PI4KA: variants seen among roughly 807,000 people sequenced by gnomAD.
PI4KA encodes the protein PI4-kinase alpha.
A neutral mutation model predicts 271.4 loss-of-function variants in PI4KA; 122 were observed. The observed-to-expected ratio is 0.45, with a 90% CI of 0.39 to 0.52. The LOEUF (loss-of-function observed/expected upper bound fraction) is 0.52, where lower values mean the gene tolerates loss of function less well. Among genes scored for constraint, PI4KA ranks in the 20% least tolerant of loss-of-function variants. PI4KA has a pLI of 0.00. For synonymous variants in PI4KA, 1,041 were observed against 1,078.8 expected (o/e 0.96, Z 0.69); for missense variants, 1,969 against 2,769.1 (o/e 0.71, Z 6.48).
intron 3 of PI4KA, among the ~76,000 whole-genome samples, chr22:20,830,896 T>G (rs1263982152): frequency 6.6e-6 from 1 of 152,054 alleles, no homozygotes; most frequent in Non-Finnish European, 1.5e-5. Flanking sequence ...CTCAGCCTCC[T>G]GAGTAGCTGG....
chr22:20,716,195 C>T (rs1005910347), intron 45 of PI4KA, among the ~76,000 whole-genome samples: 4 of 152,286 alleles, frequency 2.6e-5, no homozygotes, highest in South Asian at 4.1e-4. Context: ...GGACTACAGG[C>T]GCCCGCCACC....
intron 13 of PI4KA, 41 bp downstream of exon 13, chr22:20,803,150 C>T (rs376020644): frequency 8.1e-6 from 13 of 1,606,806 alleles, no homozygotes; most frequent in Non-Finnish European, 1.0e-5. Flanking sequence ...AGTCACAGAG[C>T]CCCTTTCTCA....
At chr22:20,772,925 AC>A (rs1932950713) in intron 19 of PI4KA, among the ~76,000 whole-genome samples, 1 of 152,172 alleles carries the variant, frequency 6.6e-6, no homozygotes, top group African/African-American at 2.4e-5. Context: ...CCCTGTCTCT[AC>A]AAAAAAGTCA....
At chr22:20,776,100 T>C (rs1200386844) in intron 19 of PI4KA, among the ~76,000 whole-genome samples, 4 of 152,130 alleles carry the variant, frequency 2.6e-5, no homozygotes, top group East Asian at 1.9e-4. Context: ...GGCAGGAGAA[T>C]TGCCTGAGCT....
At chr22:20,801,307 C>A (rs922585606) in intron 14 of PI4KA, among the ~76,000 whole-genome samples, 2 of 151,946 alleles carry the variant, frequency 1.3e-5, no homozygotes, top group African/African-American at 4.8e-5. Flanking sequence ...TAAATGCAGC[C>A]AGGCACGGTG....
In PI4KA at chr22:20,794,421, G is replaced by C. The variant is rs143439902; in HGVS notation, c.2278-1178C>G. Reference sequence around the variant, plus strand: ...TATCCTGATGCCTAAGGTCCCGCTAGACACGCGGGACACACTTCTCTCCTG... The same window carrying C: ...TATCCTGATGCCTAAGGTCCCGCTACACACGCGGGACACACTTCTCTCCTG... On this transcript the variant is annotated intron_variant, in intron 18 of 54. Transcript: ENST00000255882. Among the ~76,000 whole-genome samples, 90 of 152,298 alleles carry C rather than the reference G, an allele frequency of 5.9e-4. 1 individual carries two copies. The highest frequency in any genetic ancestry group is 2.5e-3 in the East Asian group (13 of 5,186).
intron 23 of PI4KA, among the ~76,000 whole-genome samples, chr22:20,753,431 GT>G (rs1449353208): frequency 6.6e-6 from 1 of 152,082 alleles, no homozygotes; most frequent in Non-Finnish European, 1.5e-5. Flanking sequence ...GATTTCCCAG[GT>G]CTCCCACACA....
intron 3 of PI4KA, among the ~76,000 whole-genome samples, chr22:20,824,765 C>A (rs369934596): frequency 6.9e-6 from 1 of 145,544 alleles, no homozygotes; most frequent in Non-Finnish European, 1.6e-5. Flanking sequence ...CACACACACA[C>A]ACACACACAC....
intron 1 of PI4KA, among the ~76,000 whole-genome samples, chr22:20,848,667 T>A (rs1482302881): frequency 6.6e-6 from 1 of 152,118 alleles, no homozygotes; most frequent in East Asian, 1.9e-4. Flanking sequence ...CCATCTCATA[T>A]CACATAAAAT....
intron 19 of PI4KA, among the ~76,000 whole-genome samples, chr22:20,789,678 T>C (rs913105001): frequency 5.9e-5 from 9 of 152,170 alleles, no homozygotes; most frequent in Non-Finnish European, 1.0e-4. Context: ...CTAGGAAAGG[T>C]TGTCACATTA....
chr22:20,769,541 C>T (rs1433438373), intron 19 of PI4KA, among the ~76,000 whole-genome samples: 1 of 151,962 alleles, frequency 6.6e-6, no homozygotes, highest in Non-Finnish European at 1.5e-5. Context: ...TGGTGGCACA[C>T]ACCTGTAGTC....
intron 32 of PI4KA, among the ~76,000 whole-genome samples, chr22:20,735,340 A>G (rs1009870239): frequency 2.0e-5 from 3 of 150,016 alleles, no homozygotes; most frequent in Non-Finnish European, 4.4e-5. Flanking sequence ...CAGCTTCTAC[A>G]AGGGCTCCAA....
intron 2 of PI4KA, among the ~76,000 whole-genome samples, chr22:20,837,835 T>C (rs1216107241): frequency 6.6e-6 from 1 of 152,160 alleles, no homozygotes; most frequent in Admixed American, 6.5e-5. Flanking sequence ...AGGCCAGGCA[T>C]GATGGCTCAC....
Position 20,858,809 on chromosome 22 carries a change from TC to T in PI4KA, c.-85del. 1 of 1,357,876 alleles carries T rather than the reference TC, an allele frequency of 7.4e-7. No homozygotes were observed. The highest frequency in any genetic ancestry group is 1.6e-5 in the South Asian group (1 of 62,476). The allele number at this position is 1,357,876 out of a possible 1,614,324, so 84.1% of individuals were successfully genotyped here. ...ACCTCAGGGCGCAGGCGTAGGTGCA[TC>T]CGGCTTTCCCGCCACGTGACCTCTC... On this transcript the variant is annotated 5_prime_UTR_variant, in exon 1 of 55. Transcript: ENST00000255882.
At chr22:20,854,157 G>C (rs1927316234) in intron 1 of PI4KA, among the ~76,000 whole-genome samples, 2 of 152,080 alleles carry the variant, frequency 1.3e-5, no homozygotes, top group South Asian at 4.1e-4. Context: ...GTCTCCGTTT[G>C]TCGCCCAAGC....
intron 10 of PI4KA, among the ~76,000 whole-genome samples, chr22:20,805,432 G>A (rs147316454): frequency 9.9e-5 from 15 of 152,264 alleles, no homozygotes; most frequent in African/African-American, 2.4e-4. Flanking sequence ...AGCAGTCAAC[G>A]TACTAAAACC....
In PI4KA at chr22:20,732,845, C is replaced by T. The variant is rs374195883; in HGVS notation, c.4288+126G>A. The T allele has an allele frequency of 2.5e-4, 268 of 1,058,622 alleles. 2 individuals are homozygous for T. In the South Asian group the frequency reaches 2.9e-3, roughly 11 times the overall value. The allele number at this position is 1,058,622 out of a possible 1,614,324, so 65.6% of individuals were successfully genotyped here. On this transcript the variant is annotated intron_variant, in intron 36 of 54. Coordinates refer to ENST00000255882, the MANE Select transcript of PI4KA (RefSeq NM_058004.4). The stretch of plus-strand genomic sequence containing the variant: ...GGCCTCCAATGACCGTGCAACACAG[C>T]CAAGGCCAGGGCTCAGGGGGGTCTA...
At chr22:20,836,494 G>A (rs187473476) in intron 2 of PI4KA, among the ~76,000 whole-genome samples, 12 of 152,352 alleles carry the variant, frequency 7.9e-5, no homozygotes, top group Non-Finnish European at 1.3e-4. Flanking sequence ...TGCAGAGGAA[G>A]TGGCTCCAGG....
Position 20,751,727 on chromosome 22 carries a change from C to G in PI4KA, c.3016G>C (p.Val1006Leu). The G allele has an allele frequency of 6.2e-7, 1 of 1,614,134 alleles. No individual in the cohort carries two copies. The highest frequency in any genetic ancestry group is 8.5e-7 in the Non-Finnish European group (1 of 1,179,992). Residue 1006 changes from valine to leucine, a missense_variant, in exon 26 of 55, where the codon GTG becomes CTG. Physicochemically the swap from Val to Leu is conservative, Grantham distance 32. This residue lies in a region of PI4KA where 368 missense variants were observed against 544.3 expected (regional missense o/e 0.68). Transcript: ENST00000255882. ...KFPHLLWSGT[V>L]LKTMLDILQT... ...AGGATGTCCAGCATGGTCTTCAGCA[C>G]AGTCCCGCTCCAGAGCAAGTGGGGA...
Sources: allele counts gnomAD v4.1 joint callset (sites outside exome capture counted in the v4.1 genomes callset), GRCh38; gene constraint gnomAD v4.1.1; regional missense constraint gnomAD v4.1.1; transcripts MANE v1.5; gene names NCBI Gene and HGNC (gene_info 2026-07-23, HGNC 2026-07-21).